SLC30A9: variants seen among roughly 807,000 people sequenced by gnomAD.
The protein encoded by SLC30A9 is solute carrier family 30 member 9.
In SLC30A9, 58 loss-of-function variants were observed where a neutral mutation model predicts 87.5. That is an observed-to-expected ratio of 0.66 (90% CI 0.54 to 0.82). The LOEUF (loss-of-function observed/expected upper bound fraction) is 0.82. SLC30A9 is among the 40% of genes least tolerant of loss of function. The probability of loss-of-function intolerance (pLI) is 0.00; values close to 1 mark genes in which losing one functional copy is unlikely to be tolerated. For missense variants in SLC30A9, 557 were observed against 679.1 expected (o/e 0.82, Z 2.00); for synonymous variants, 234 against 233.0 (o/e 1.00, Z -0.04).
At chr4:42,045,361 T>C (rs1202886631) in intron 8 of SLC30A9, among the ~76,000 whole-genome samples, 1 of 151,314 alleles carries the variant, frequency 6.6e-6, no homozygotes, top group African/African-American at 2.4e-5. Context: ...TAGACAACAA[T>C]GAAAAATGAT....
At chr4:41,998,814 GTATTA>G (rs1714856679) in intron 1 of SLC30A9, among the ~76,000 whole-genome samples, 1 of 152,006 alleles carries the variant, frequency 6.6e-6, no homozygotes, top group Non-Finnish European at 1.5e-5. Context: ...TATGTGTTAG[GTATTA>G]TATTTGTTTT....
intron 6 of SLC30A9, among the ~76,000 whole-genome samples, chr4:42,026,511 T>C (rs780881296): frequency 6.6e-6 from 1 of 152,266 alleles, no homozygotes; most frequent in Admixed American, 6.5e-5. Flanking sequence ...ACAGATTTTA[T>C]TAAGCATCGT....
intron 9 of SLC30A9, among the ~76,000 whole-genome samples, chr4:42,056,104 C>A (rs1004671386): frequency 2.0e-5 from 3 of 152,032 alleles, no homozygotes; most frequent in Non-Finnish European, 4.4e-5. Flanking sequence ...AAATATGGTC[C>A]ATATTCATTT....
intron 6 of SLC30A9, among the ~76,000 whole-genome samples, chr4:42,027,076 T>C (rs1468687843): frequency 6.6e-6 from 1 of 152,216 alleles, no homozygotes; most frequent in Admixed American, 6.5e-5. Flanking sequence ...TGTTACGGCA[T>C]CTGTCTTCAG....
At chr4:42,053,190 A>G (rs1385119069) in intron 9 of SLC30A9, among the ~76,000 whole-genome samples, 23 of 152,224 alleles carry the variant, frequency 1.5e-4, no homozygotes, top group Admixed American at 1.4e-3. Context: ...TATAATGGCT[A>G]CAAGTAAAAA....
chr4:42,039,132 A>G, intron 8 of SLC30A9, 79 bp downstream of exon 8: 2 of 1,040,970 alleles, frequency 1.9e-6, no homozygotes, highest in Non-Finnish European at 3.0e-6. Context: ...TAAATTTATT[A>G]CATGGTAGCT....
intron 2 of SLC30A9, among the ~76,000 whole-genome samples, chr4:42,009,801 A>G (rs946501183): frequency 6.6e-6 from 1 of 152,236 alleles, no homozygotes; most frequent in African/African-American, 2.4e-5. Flanking sequence ...AATAATGTTG[A>G]GCATTGTAGA....
At chr4:42,029,096 C>T (rs181675473) in intron 6 of SLC30A9, 3 of 274,784 alleles carry the variant, frequency 1.1e-5, no homozygotes, top group Admixed American at 4.9e-5. Flanking sequence ...AGTGGTGTGT[C>T]CTGTCTGCGG....
At chr4:42,074,044 A>G (rs1718425057) in intron 15 of SLC30A9, among the ~76,000 whole-genome samples, 1 of 152,228 alleles carries the variant, frequency 6.6e-6, no homozygotes, top group African/African-American at 2.4e-5. Flanking sequence ...TGTGAAGACT[A>G]AAGTAGAAAT....
At position 42,074,020 on chromosome 4, in the gene SLC30A9, A is replaced by G. The variant is rs73812710; in HGVS notation, c.1419-1637A>G. On this transcript the variant is annotated intron_variant, in intron 15 of 17. Coordinates refer to ENST00000264451, the MANE Select transcript of SLC30A9 (RefSeq NM_006345.4). ...ACTCACATACCAGCCAAATAATGAA[A>G]TGTGTTTATACTCTGTGAAGACTAA... Among the ~76,000 whole-genome samples, 968 of 152,298 alleles carry G rather than the reference A, an allele frequency of 6.4e-3. 14 individuals are homozygous for G. The highest frequency in any genetic ancestry group is 0.022 in the African/African-American group (931 of 41,558).
At chr4:42,036,916 TGG>T (rs1716698770) in intron 7 of SLC30A9, among the ~76,000 whole-genome samples, 1 of 152,204 alleles carries the variant, frequency 6.6e-6, no homozygotes, top group Non-Finnish European at 1.5e-5. Context: ...ACCTGCCTCC[TGG>T]GAAGATTCAC....
rs1719006359 is a variant in SLC30A9 at position 42,088,676 on chromosome 4, T to G, written c.*2550T>G. The G allele has an allele frequency of 6.6e-6, 1 of 152,120 alleles. No individual in the cohort carries two copies. Among genetic ancestry groups the G allele is most frequent in the African/African-American group, 2.4e-5 (1 of 41,412 alleles). 9.4% of individuals were successfully genotyped at this position (152,120 alleles called of 1,614,324 possible). ...GATCTCATGAGAACTCACTATACAG[T>G]ACCAAGAGGGGAAGGTGCTAAAGTA... On this transcript the variant is annotated 3_prime_UTR_variant, in exon 18 of 18. Coordinates refer to ENST00000264451, the MANE Select transcript of SLC30A9 (RefSeq NM_006345.4).
chr4:42,088,595 G>A lies in SLC30A9; in HGVS notation c.*2469G>A, dbSNP rs913958610. Reference sequence around the variant, plus strand: ...TACGAAGGGGAAGCAGTCATAGCCAGAGGAAGAGCAAGAGGCGGGGATTGG... The same window carrying A: ...TACGAAGGGGAAGCAGTCATAGCCAAAGGAAGAGCAAGAGGCGGGGATTGG... On this transcript the variant is annotated 3_prime_UTR_variant, in exon 18 of 18. Transcript: ENST00000264451. 7.2e-5 allele frequency: 11 copies of A among 152,656 alleles called. No homozygotes were observed. The highest frequency in any genetic ancestry group is 2.7e-4 in the African/African-American group (11 of 41,472). 9.5% of individuals were successfully genotyped at this position (152,656 alleles called of 1,614,324 possible).
chr4:42,036,123 C>T lies in SLC30A9; in HGVS notation c.669+790C>T, dbSNP rs138977527. On this transcript the variant is annotated intron_variant, in intron 7 of 17. Coordinates refer to ENST00000264451, the MANE Select transcript of SLC30A9 (RefSeq NM_006345.4). ...ATTATTTGACAGTCTTACTAAACTT[C>T]CAGAGTATGTTCACCTTCCCACTCT... is the stretch of plus-strand genomic sequence containing the variant. Among the ~76,000 whole-genome samples, 121 of 152,296 alleles carry T rather than the reference C, an allele frequency of 7.9e-4. 1 individual carries two copies. The East Asian group carries it at 0.023, about 29-fold the overall frequency.
At chr4:42,064,422 G>A (rs3804192) in intron 11 of SLC30A9, among the ~76,000 whole-genome samples, 99,293 of 152,082 alleles carry the variant, frequency 0.65, 36,910 homozygotes, top group East Asian at 0.96. Flanking sequence ...GTTATATCAT[G>A]CAAATCTACT....
At chr4:42,084,664 G>A (rs958897481) in intron 17 of SLC30A9, among the ~76,000 whole-genome samples, 2 of 151,992 alleles carry the variant, frequency 1.3e-5, no homozygotes, top group Non-Finnish European at 2.9e-5. Flanking sequence ...ATAGAGATGG[G>A]GTTTCATCAT....
Position 42,088,943 on chromosome 4 carries a change from G to C in SLC30A9, c.*2817G>C, listed in dbSNP as rs578029011. 7 of 152,254 alleles carry C rather than the reference G, an allele frequency of 4.6e-5. No individual in the cohort carries two copies. In the South Asian group the frequency reaches 1.5e-3, roughly 32 times the overall value. 9.4% of individuals were successfully genotyped at this position (152,254 alleles called of 1,614,324 possible). On this transcript the variant is annotated 3_prime_UTR_variant, in exon 18 of 18. Coordinates refer to ENST00000264451, the MANE Select transcript of SLC30A9 (RefSeq NM_006345.4). ...ACAGAGTGAGATCCTGTCTCAAAAA[G>C]AGAATTTGGGTCTCTTTCTCCAAAA... is the stretch of plus-strand genomic sequence containing the variant.
At chr4:42,028,919 A>G (rs988601081) in intron 6 of SLC30A9, among the ~76,000 whole-genome samples, 4 of 152,264 alleles carry the variant, frequency 2.6e-5, no homozygotes, top group Non-Finnish European at 4.4e-5. Flanking sequence ...TTCTTAATGC[A>G]TTCAGTGTAA....
chr4:42,038,924 C>T, intron 7 of SLC30A9, 62 bp from the exon 8 acceptor site: 1 of 1,065,662 alleles, frequency 9.4e-7, no homozygotes, highest in Non-Finnish European at 1.5e-6. Context: ...TCAAAGCCAC[C>T]AGTTACAGTG....
Sources: allele counts gnomAD v4.1 joint callset (sites outside exome capture counted in the v4.1 genomes callset), GRCh38; gene constraint gnomAD v4.1.1; transcripts MANE v1.5; gene names NCBI Gene and HGNC (gene_info 2026-07-23, HGNC 2026-07-21).